Variants in FNBP4 observed in about 807,000 individuals in gnomAD.
The protein encoded by FNBP4 is formin binding protein 4, also known as formin-binding protein 4.
A neutral mutation model predicts 119.3 loss-of-function variants in FNBP4; 34 were observed. The observed-to-expected ratio is 0.28, with a 90% CI of 0.22 to 0.38. FNBP4 has a LOEUF of 0.38. Among genes scored for constraint, FNBP4 ranks in the 10% least tolerant of loss-of-function variants. The pLI, the probability that FNBP4 is intolerant of heterozygous loss-of-function variation, is 1.00. For synonymous variants in FNBP4, 462 were observed against 430.6 expected (o/e 1.07, Z -0.90); for missense variants, 1,112 against 1,228.9 (o/e 0.90, Z 1.42).
At chr11:47,738,305 G>A (rs1181152500) in intron 8 of FNBP4, among the ~76,000 whole-genome samples, 2 of 152,076 alleles carry the variant, frequency 1.3e-5, no homozygotes, top group South Asian at 2.1e-4. Context: ...GGTGCCTCAC[G>A]CCTGTAATCC....
chr11:47,748,044 C>A (rs2097594275), intron 6 of FNBP4, among the ~76,000 whole-genome samples: 1 of 151,794 alleles, frequency 6.6e-6, no homozygotes, highest in Non-Finnish European at 1.5e-5. Flanking sequence ...AGTTCGAGAT[C>A]AGCCTGGCCA....
At chr11:47,765,406 A>G (rs775605544) in intron 1 of FNBP4, 44 bp from the exon 2 acceptor site, 21 of 1,377,280 alleles carry the variant, frequency 1.5e-5, no homozygotes, top group Admixed American at 2.1e-5. Context: ...AAAGAAAAGA[A>G]AAGAAAAGAA....
chr11:47,747,228 G>A (rs78528806), intron 6 of FNBP4, among the ~76,000 whole-genome samples: 2,267 of 151,950 alleles, frequency 0.015, 121 homozygotes, highest in Admixed American at 0.085. Context: ...TTTTTGAGAC[G>A]AACTCTCGCT....
intron 12 of FNBP4, 94 bp downstream of exon 12, chr11:47,731,277 ATAT>A: frequency 1.7e-6 from 2 of 1,195,916 alleles, no homozygotes; most frequent in Non-Finnish European, 2.3e-6. Context: ...TCAGAAGCTT[ATAT>A]TATTATGACA....
chr11:47,760,242 T>A (rs1050596817), intron 2 of FNBP4, among the ~76,000 whole-genome samples: 1 of 149,236 alleles, frequency 6.7e-6, no homozygotes, highest in Non-Finnish European at 1.5e-5. Flanking sequence ...CAGAGAGACA[T>A]CATAAATTGA....
chr11:47,760,167 T>C (rs560964587), intron 2 of FNBP4, among the ~76,000 whole-genome samples: 15 of 151,546 alleles, frequency 9.9e-5, no homozygotes, highest in Non-Finnish European at 1.8e-4. Context: ...TCTTCTAAAC[T>C]CCTAAAAACA....
chr11:47,765,580 G>C (rs1002603674), intron 1 of FNBP4, among the ~76,000 whole-genome samples: 6 of 76,880 alleles, frequency 7.8e-5, no homozygotes, highest in Non-Finnish European at 1.5e-4. Flanking sequence ...GGGGGGGGGG[G>C]GGCCACTTGA....
At chr11:47,760,129 C>T (rs1200948823) in intron 2 of FNBP4, among the ~76,000 whole-genome samples, 1 of 152,150 alleles carries the variant, frequency 6.6e-6, no homozygotes, top group African/African-American at 2.4e-5. Flanking sequence ...CTTTCTTCAC[C>T]TAAGAGCTTT....
At chr11:47,719,561 ATATGT>A (rs1349130841) in intron 16 of FNBP4, among the ~76,000 whole-genome samples, 11 of 144,154 alleles carry the variant, frequency 7.6e-5, no homozygotes, top group Non-Finnish European at 1.0e-4. Flanking sequence ...AAATAAGTTA[ATATGT>A]TATGTGTGTA....
intron 2 of FNBP4, among the ~76,000 whole-genome samples, chr11:47,762,824 C>T (rs1024280157): frequency 2.7e-5 from 4 of 147,396 alleles, no homozygotes; most frequent in Non-Finnish European, 6.0e-5. Flanking sequence ...GAAGGAGAAT[C>T]GCCGGAGCCC....
intron 12 of FNBP4, chr11:47,731,173 G>A: frequency 2.2e-6 from 1 of 453,504 alleles, no homozygotes; most frequent in Middle Eastern, 5.8e-4. Context: ...TTTTCACTTT[G>A]GGGCACAGTT....
intron 1 of FNBP4, among the ~76,000 whole-genome samples, chr11:47,765,877 G>C (rs988752902): frequency 1.1e-4 from 1 of 9,340 alleles, no homozygotes; most frequent in African/African-American, 1.3e-4. Flanking sequence ...TTTTGAGACG[G>C]AGTTTCGCTC....
intron 15 of FNBP4, among the ~76,000 whole-genome samples, chr11:47,722,023 A>T: frequency 3.1e-4 from 1 of 3,234 alleles, no homozygotes; most frequent in Non-Finnish European, 6.3e-4. Flanking sequence ...AAAAAAAAAA[A>T]AAAAAAAAAA....
At chr11:47,763,612 T>C (rs926452035) in intron 2 of FNBP4, among the ~76,000 whole-genome samples, 20 of 151,808 alleles carry the variant, frequency 1.3e-4, no homozygotes, top group Non-Finnish European at 2.8e-4. Flanking sequence ...GCCATTCTCC[T>C]GCCTCAGCCT....
chr11:47,750,452 G>A (rs1452972585), intron 6 of FNBP4, among the ~76,000 whole-genome samples: 7 of 147,578 alleles, frequency 4.7e-5, no homozygotes, highest in Non-Finnish European at 1.0e-4. Flanking sequence ...CACTCTGGGA[G>A]GCCAAGGCAG....
chr11:47,746,662 C>T (rs1256829231), intron 6 of FNBP4, among the ~76,000 whole-genome samples: 1 of 151,710 alleles, frequency 6.6e-6, no homozygotes, highest in Non-Finnish European at 1.5e-5. Context: ...TTACAGGCGC[C>T]CGCCACCATG....
intron 1 of FNBP4, 46 bp from the exon 2 acceptor site, chr11:47,765,408 A>G (rs1253046486): frequency 9.4e-6 from 13 of 1,386,898 alleles, no homozygotes; most frequent in Non-Finnish European, 1.1e-5. Context: ...AGAAAAGAAA[A>G]GAAAAGAAAA....
intron 8 of FNBP4, among the ~76,000 whole-genome samples, chr11:47,743,375 C>T (rs575545293): frequency 5.9e-5 from 9 of 151,980 alleles, no homozygotes; most frequent in South Asian, 4.2e-4. Context: ...CCCAGCTACT[C>T]GGGAGGCTGA....
chr11:47,717,815 C>T (rs1411470163), intron 16 of FNBP4, among the ~76,000 whole-genome samples: 1 of 152,152 alleles, frequency 6.6e-6, no homozygotes, highest in Non-Finnish European at 1.5e-5. Flanking sequence ...ATGGTGCGAT[C>T]TCGGCTCACC....
Sources: gnomAD v4.1 joint callset for allele counts (sites outside exome capture counted in the v4.1 genomes callset) on GRCh38, gnomAD v4.1.1 for gene constraint, MANE v1.5 for transcripts, NCBI Gene and HGNC (gene_info 2026-07-23, HGNC 2026-07-21) for gene names.